The following COL6A5 variants were observed in gnomAD, a reference collection of about 807,000 sequenced individuals.
The protein encoded by COL6A5 is collagen alpha-5(VI) chain.
In COL6A5, 48 loss-of-function variants were observed where a neutral mutation model predicts 65.6. The ratio of observed to expected loss-of-function variants is 0.73; its 90% confidence interval spans 0.58 to 0.93. COL6A5 has a LOEUF of 0.93. Among genes scored for constraint, COL6A5 ranks in the 40% least tolerant of loss-of-function variants. The probability of loss-of-function intolerance (pLI) is 0.00; values close to 1 mark genes in which losing one functional copy is unlikely to be tolerated. For synonymous variants in COL6A5, 291 were observed against 322.8 expected (o/e 0.90, Z 1.05); for missense variants, 914 against 928.3 (o/e 0.98, Z 0.20).
At chr3:130,469,760 T>C (rs567938382) in intron 6 of COL6A5, among the ~76,000 whole-genome samples, 54 of 152,182 alleles carry the variant, frequency 3.5e-4, no homozygotes, top group African/African-American at 1.2e-3. Context: ...GTTCTTTAAA[T>C]TGATTGTGTC....
chr3:130,385,084 C>T (rs1254910386), exon 5 of COL6A5: 1 of 1,550,936 alleles, frequency 6.4e-7, no homozygotes, highest in Non-Finnish European at 8.7e-7. Flanking sequence ...CTCTGGATTA[C>T]ATACTGCAAA....
chr3:130,449,308 G>A (rs557790856), intron 4 of COL6A5, among the ~76,000 whole-genome samples: 114 of 152,218 alleles, frequency 7.5e-4, no homozygotes, highest in African/African-American at 2.5e-3. Flanking sequence ...GACTGAGACC[G>A]AGTCCAGGAA....
At chr3:130,469,512 G>A in intron 6 of COL6A5, 31 bp downstream of exon 38, 3 of 1,537,352 alleles carry the variant, frequency 2.0e-6, no homozygotes, top group Non-Finnish European at 1.8e-6. Context: ...GATTGCTTTT[G>A]CAATAGATTT....
Position 130,373,555 on chromosome 3 carries a change from G to A in COL6A5, c.-28-56G>A, listed in dbSNP as rs1935641274. The A allele has an allele frequency of 5.0e-6, 4 of 794,498 alleles. No homozygotes were observed. The Admixed American group carries it at 9.0e-5, about 18-fold the overall frequency. The allele number at this position is 794,498 out of a possible 1,614,324, so 49.2% of individuals were successfully genotyped here. On this transcript the variant is annotated intron_variant and NMD_transcript_variant, in intron 1 of 41. Coordinates refer to the COL6A5 transcript ENST00000312481. ...ATGCCCTAATACAACTATCCTGACAGTTACTTAATGGTATAAAATAAAATT... is the reference window on the plus strand; with the variant it reads ...ATGCCCTAATACAACTATCCTGACAATTACTTAATGGTATAAAATAAAATT...
chr3:130,405,719 C>A (rs1423389289), intron 14 of COL6A5, 60 bp downstream of exon 14: 4 of 1,331,192 alleles, frequency 3.0e-6, no homozygotes, highest in Non-Finnish European at 4.2e-6. Context: ...CCTCTCTTTC[C>A]CCATTCCTTT....
chr3:130,408,013 T>C (rs1937050945), intron 17 of COL6A5, among the ~76,000 whole-genome samples: 1 of 152,154 alleles, frequency 6.6e-6, no homozygotes, highest in Non-Finnish European at 1.5e-5. Flanking sequence ...CTCAGGACCC[T>C]GTGATGATTG....
upstream of COL6A5, among the ~76,000 whole-genome samples, chr3:130,430,387 T>A (rs72982502): frequency 6.6e-6 from 1 of 152,196 alleles, no homozygotes; most frequent in South Asian, 2.1e-4. Flanking sequence ...TGAATACTTC[T>A]CTATTTTTAT....
intron 1 of COL6A5, among the ~76,000 whole-genome samples, chr3:130,368,532 A>AGT (rs1935426303): frequency 6.7e-6 from 1 of 148,398 alleles, no homozygotes; most frequent in African/African-American, 2.5e-5. Flanking sequence ...TGTATGTGTG[A>AGT]GTGTGTGTGA....
chr3:130,382,100 G>A (rs1424126836), intron 4 of COL6A5, among the ~76,000 whole-genome samples: 1 of 151,952 alleles, frequency 6.6e-6, no homozygotes, highest in Admixed American at 6.6e-5. Context: ...TGAGGAAATG[G>A]GAACAGGAAG....
upstream of COL6A5, chr3:130,429,482 C>A: frequency 2.5e-6 from 3 of 1,196,010 alleles, no homozygotes; most frequent in South Asian, 3.0e-5. Context: ...ACTCAAATAA[C>A]ATTTTCAGCT....
At chr3:130,380,558 C>G (rs1261241354) in intron 4 of COL6A5, among the ~76,000 whole-genome samples, 2 of 152,036 alleles carry the variant, frequency 1.3e-5, no homozygotes, top group Non-Finnish European at 2.9e-5. Flanking sequence ...GTCCAACAGC[C>G]CTTTCTATGA....
At chr3:130,358,236 T>C (rs1934992604) in intron 1 of COL6A5, among the ~76,000 whole-genome samples, 2 of 152,032 alleles carry the variant, frequency 1.3e-5, no homozygotes, top group South Asian at 4.2e-4. Flanking sequence ...TTAGGAACAT[T>C]ATCAACACCA....
chr3:130,403,286 G>T (rs1435789561), intron 12 of COL6A5, among the ~76,000 whole-genome samples: 1 of 152,164 alleles, frequency 6.6e-6, no homozygotes, highest in Non-Finnish European at 1.5e-5. Flanking sequence ...CTGCTGAAAG[G>T]GTTGTGGCTG....
At chr3:130,421,295 T>C in intron 26 of COL6A5, 30 bp from the exon 27 acceptor site, 1 of 1,550,024 alleles carries the variant, frequency 6.5e-7, no homozygotes, top group Non-Finnish European at 8.7e-7. Flanking sequence ...GATATGTTGA[T>C]GTATTTATGT....
At chr3:130,426,468 A>T, upstream of COL6A5, 1 of 1,476,616 alleles carries the variant, frequency 6.8e-7, no homozygotes, top group African/African-American at 1.4e-5. Flanking sequence ...GACTGTATGC[A>T]GTGTGGGTAT....
chr3:130,374,297 G>A (rs540708788), intron 2 of COL6A5, among the ~76,000 whole-genome samples: 1 of 152,220 alleles, frequency 6.6e-6, no homozygotes, highest in Non-Finnish European at 1.5e-5. Context: ...CTAAAAACCT[G>A]TACTGCATGT....
chr3:130,455,349 A>C (rs1451272823), intron 4 of COL6A5, 106 bp from the exon 37 acceptor site: 1 of 642,006 alleles, frequency 1.6e-6, no homozygotes. Context: ...TCACCACCCA[A>C]TTGGTTTTTT....
intron 1 of COL6A5, among the ~76,000 whole-genome samples, chr3:130,373,189 G>A (rs758198384): frequency 2.0e-5 from 3 of 152,158 alleles, no homozygotes; most frequent in Non-Finnish European, 2.9e-5. Flanking sequence ...TAAATTTTGC[G>A]AGGACAGTAA....
intron 7 of COL6A5, among the ~76,000 whole-genome samples, chr3:130,391,982 T>C (rs1161103954): frequency 1.3e-5 from 2 of 152,202 alleles, no homozygotes; most frequent in Admixed American, 6.5e-5. Flanking sequence ...AAGTTCCAGA[T>C]GCATTCCGTG....
Sources: allele counts gnomAD v4.1 joint callset (sites outside exome capture counted in the v4.1 genomes callset), GRCh38; gene constraint gnomAD v4.1.1; transcripts MANE v1.5; gene names NCBI Gene and HGNC (gene_info 2026-07-23, HGNC 2026-07-21).